Variants in PHKB observed in about 807,000 individuals in gnomAD.
PHKB encodes phosphorylase b kinase regulatory subunit beta.
Under a neutral mutation model 152.1 loss-of-function variants are expected in PHKB, and 122 were observed. That is an observed-to-expected ratio of 0.80 (90% confidence interval 0.69 to 0.93). The LOEUF is 0.93. Ranked by LOEUF, PHKB falls within the 40% of genes least tolerant of loss-of-function variation. The pLI, the probability that PHKB is intolerant of heterozygous loss-of-function variation, is 0.00. For missense variants in PHKB, 1,304 were observed against 1,328.4 expected, an observed-to-expected ratio of 0.98 and a Z score of 0.29; for synonymous variants, 436 against 464.9, an observed-to-expected ratio of 0.94 and a Z score of 0.80.
intron 14 of PHKB, among the ~76,000 whole-genome samples, chr16:47,623,086 GAATTA>G (rs1039532919): frequency 2.6e-4 from 40 of 152,206 alleles, no homozygotes; most frequent in Middle Eastern, 6.8e-3. Flanking sequence ...TTGGACAATT[GAATTA>G]ATCTCTCTAA....
chr16:47,580,258 A>G (rs749263742), intron 7 of PHKB, 37 bp from the exon 8 acceptor site: 4 of 1,513,562 alleles, frequency 2.6e-6, no homozygotes, highest in Non-Finnish European at 2.8e-6. Flanking sequence ...GTAGCCACAT[A>G]CATTAGAGTA....
chr16:47,677,691 G>A (rs1171778106), intron 26 of PHKB, among the ~76,000 whole-genome samples: 2 of 152,028 alleles, frequency 1.3e-5, no homozygotes, highest in Non-Finnish European at 2.9e-5. Context: ...TGGAGTTAGG[G>A]CTTCAACATT....
At chr16:47,616,197 T>G (rs1183282453) in intron 14 of PHKB, among the ~76,000 whole-genome samples, 3 of 152,118 alleles carry the variant, frequency 2.0e-5, no homozygotes, top group African/African-American at 7.2e-5. Flanking sequence ...TATCTATTTT[T>G]TTCCTTTAGT....
At chr16:47,660,336 T>G (rs1973417641) in intron 20 of PHKB, among the ~76,000 whole-genome samples, 170 bp from the exon 21 acceptor site, 1 of 152,210 alleles carries the variant, frequency 6.6e-6, no homozygotes. Flanking sequence ...TTTGTGTGTG[T>G]AGAAACCTGT....
chr16:47,681,541 T>C (rs1369161118), intron 26 of PHKB, among the ~76,000 whole-genome samples: 1 of 151,812 alleles, frequency 6.6e-6, no homozygotes, highest in Non-Finnish European at 1.5e-5. Flanking sequence ...TCTTTGTCTC[T>C]TTTGATCTTT....
At chr16:47,655,097 T>G (rs1973311593) in intron 20 of PHKB, among the ~76,000 whole-genome samples, 1 of 152,086 alleles carries the variant, frequency 6.6e-6, no homozygotes, top group Admixed American at 6.5e-5. Context: ...AGTGAAACAA[T>G]GTAGTACTTA....
intron 7 of PHKB, among the ~76,000 whole-genome samples, chr16:47,553,741 G>A (rs939369616): frequency 4.6e-5 from 7 of 152,190 alleles, no homozygotes; most frequent in African/African-American, 1.7e-4. Context: ...TTTTTGTTAA[G>A]ATATTGATGC....
chr16:47,622,486 G>C (rs1328006335), intron 14 of PHKB, among the ~76,000 whole-genome samples: 1 of 152,086 alleles, frequency 6.6e-6, no homozygotes, highest in African/African-American at 2.4e-5. Context: ...CTGTCATGCA[G>C]GTGAATAAAA....
At chr16:47,614,773 T>C (rs1484292562) in intron 14 of PHKB, among the ~76,000 whole-genome samples, 1 of 152,230 alleles carries the variant, frequency 6.6e-6, no homozygotes, top group African/African-American at 2.4e-5. Flanking sequence ...TTAAAGAAGT[T>C]CATGGGATGA....
chr16:47,672,869 A>G (rs1003148152), intron 26 of PHKB, among the ~76,000 whole-genome samples: 12 of 152,072 alleles, frequency 7.9e-5, no homozygotes, highest in African/African-American at 2.9e-4. Context: ...ATTTTTCCTT[A>G]TACTGTGTTA....
chr16:47,691,557 T>C (rs2142104761), intron 27 of PHKB, among the ~76,000 whole-genome samples: 1 of 152,094 alleles, frequency 6.6e-6, no homozygotes, highest in African/African-American at 2.4e-5. Flanking sequence ...ACACAAAAAT[T>C]AGCTGGATGT....
chr16:47,484,968 A>G (rs556937020), intron 1 of PHKB, among the ~76,000 whole-genome samples: 2 of 152,316 alleles, frequency 1.3e-5, no homozygotes, highest in South Asian at 4.1e-4. Context: ...CCTTCTAGGC[A>G]TTTTAAAGTA....
intron 7 of PHKB, chr16:47,565,762 G>A: frequency 2.0e-6 from 3 of 1,504,050 alleles, no homozygotes; most frequent in Non-Finnish European, 2.8e-6. Context: ...AACTTCTCTT[G>A]TTCCTTCTGT....
intron 14 of PHKB, among the ~76,000 whole-genome samples, chr16:47,639,396 C>T (rs557653091): frequency 8.5e-4 from 129 of 152,286 alleles, no homozygotes; most frequent in African/African-American, 3.0e-3. Context: ...AGTGGGGCTG[C>T]CCGTGCTGAA....
intron 7 of PHKB, among the ~76,000 whole-genome samples, chr16:47,572,765 C>T (rs1971683683): frequency 6.6e-6 from 1 of 152,162 alleles, no homozygotes; most frequent in Non-Finnish European, 1.5e-5. Flanking sequence ...TAGTAATGTA[C>T]TGGGTACATG....
chr16:47,603,145 A>G (rs988460889), intron 13 of PHKB, among the ~76,000 whole-genome samples: 3 of 152,228 alleles, frequency 2.0e-5, no homozygotes, highest in Non-Finnish European at 4.4e-5. Context: ...GTGTATGTAT[A>G]TAAGGACATA....
chr16:47,568,998 T>G (rs1157504306), intron 7 of PHKB, among the ~76,000 whole-genome samples: 1 of 152,216 alleles, frequency 6.6e-6, no homozygotes, highest in Non-Finnish European at 1.5e-5. Flanking sequence ...CCCTGCAGTT[T>G]TCAGGTAGAA....
chr16:47,544,394 G>T (rs771631578), intron 6 of PHKB, among the ~76,000 whole-genome samples: 1 of 152,146 alleles, frequency 6.6e-6, no homozygotes, highest in Non-Finnish European at 1.5e-5. Flanking sequence ...GTAGTTGTGC[G>T]GTTTTGAGTG....
chr16:47,639,214 C>T (rs1300642372), intron 14 of PHKB, among the ~76,000 whole-genome samples: 1 of 152,132 alleles, frequency 6.6e-6, no homozygotes, highest in East Asian at 1.9e-4. Context: ...GTCTAGGCTG[C>T]AGTGAGCCGT....
Sources: allele counts gnomAD v4.1 joint callset (sites outside exome capture counted in the v4.1 genomes callset), GRCh38; gene constraint gnomAD v4.1.1; transcripts MANE v1.5; gene names NCBI Gene and HGNC (gene_info 2026-07-23, HGNC 2026-07-21).